TRRAP: variants seen among roughly 807,000 people sequenced by gnomAD.
TRRAP encodes the protein transformation/transcription domain-associated protein.
TRRAP carries 41 observed loss-of-function variants against 438.8 expected under a neutral mutation model. That is an observed-to-expected ratio of 0.09 (90% CI 0.07 to 0.12). The LOEUF (loss-of-function observed/expected upper bound fraction) is 0.12, where lower values mean the gene tolerates loss of function less well. Ranked by LOEUF, TRRAP falls within the 10% of genes least tolerant of loss-of-function variation. TRRAP has a pLI of 1.00. For missense variants in TRRAP, 3,122 were observed against 5,055.1 expected, an observed-to-expected ratio of 0.62 and a Z score of 11.60; for synonymous variants, 1,994 against 1,962.9, an observed-to-expected ratio of 1.02 and a Z score of -0.42.
chr7:99,005,418 G>A lies in TRRAP; in HGVS notation c.10753+70G>A, dbSNP rs1375696022. On this transcript the variant is annotated intron_variant, in intron 69 of 72. Coordinates refer to ENST00000456197, the MANE Select transcript of TRRAP (RefSeq NM_001375524.1). This position sits in a 1 kb window ranked among gnomAD's most constrained non-coding sequence, Gnocchi z 5.1. ...CAGGTGGGGATGAGAGCCACACCTC[G>A]TGGGGTGCACAGGCAGCTCACGTTA... 1.4e-5 allele frequency: 20 copies of A among 1,458,920 alleles called. No homozygotes were observed. Among genetic ancestry groups the A allele is most frequent in the South Asian group, 3.5e-5 (3 of 86,264 alleles). 90.4% of individuals were successfully genotyped at this position (1,458,920 alleles called of 1,614,324 possible). A position where few individuals can be genotyped will look rare whatever the true frequency, so the allele number is the denominator to read the frequency against.
chr7:98,908,926 T>G lies in TRRAP; in HGVS notation c.1314T>G (p.Ser438Arg). 6.2e-7 allele frequency: 1 copy of G among 1,613,454 alleles called. No individual in the cohort carries two copies. The highest frequency in any genetic ancestry group is 8.5e-7 in the Non-Finnish European group (1 of 1,179,838). ...TCCGTTCCAAGAGCGAGCAGGAGAG[T>G]GGCAATGGGAGAGACGTCCTGATGC... ...DCIRSKSEQESGNGRDVLMRM... is the reference protein window; with the variant it reads ...DCIRSKSEQERGNGRDVLMRM... Residue 438 changes from serine (S) to arginine (R), a missense_variant, in exon 14 of 73, where the codon AGT (serine) becomes AGG (arginine). By Grantham distance (110) the Ser-to-Arg change is moderately radical. Around this residue, in one of 24 missense-constraint regions of TRRAP, gnomAD observed 343 missense variants for 564.0 expected, o/e 0.61. Transcript: ENST00000456197. This position sits in a 1 kb window ranked among gnomAD's most constrained non-coding sequence, Gnocchi z 4.1.
intron 18 of TRRAP, among the ~76,000 whole-genome samples, chr7:98,912,968 G>A (rs1363525167): frequency 6.6e-6 from 1 of 152,208 alleles, no homozygotes; most frequent in Non-Finnish European, 1.5e-5. Flanking sequence ...AGTGAGGCAT[G>A]ATTTGATTGA....
At chr7:98,924,340 G>A (rs1227503153) in intron 21 of TRRAP, among the ~76,000 whole-genome samples, 1 of 151,664 alleles carries the variant, frequency 6.6e-6, no homozygotes, top group Non-Finnish European at 1.5e-5. Flanking sequence ...TATTAAAGCT[G>A]TATTAAAGCT....
intron 38 of TRRAP, 62 bp from the exon 39 acceptor site, chr7:98,950,814 G>A (rs963849399): frequency 1.3e-5 from 19 of 1,460,464 alleles, no homozygotes; most frequent in African/African-American, 4.3e-5. Flanking sequence ...TGTTCTTCCC[G>A]TCTTAAGAAA....
chr7:98,924,688 CAAA>C (rs34211183), intron 21 of TRRAP, among the ~76,000 whole-genome samples: 10 of 95,322 alleles, frequency 1.0e-4, no homozygotes, highest in Admixed American at 2.7e-4. Context: ...GACTCCGTCT[CAAA>C]AAAAAAAAAA....
At chr7:98,954,955 A>G (rs941665415) in intron 40 of TRRAP, 143 bp from the exon 41 acceptor site, 1 of 768,126 alleles carries the variant, frequency 1.3e-6, no homozygotes, top group East Asian at 2.7e-5. Flanking sequence ...GAAAGCAACT[A>G]AGTTGTTTCC....
At chr7:98,898,441 A>G (rs942298519) in intron 8 of TRRAP, among the ~76,000 whole-genome samples, 2 of 152,222 alleles carry the variant, frequency 1.3e-5, no homozygotes, top group African/African-American at 2.4e-5. Context: ...AGCACTTACT[A>G]TGACAATTTT....
rs1471559999 is a variant in TRRAP, at chr7:98,927,432, T to C, written c.3175+66T>C. 1.9e-6 allele frequency: 3 copies of C among 1,547,728 alleles called. No homozygotes were observed. In the African/African-American group the frequency reaches 4.1e-5, roughly 21 times the overall value. On this transcript the variant is annotated intron_variant, in intron 23 of 72. Coordinates refer to ENST00000456197, the MANE Select transcript of TRRAP (RefSeq NM_001375524.1). The stretch of plus-strand genomic sequence containing the variant: ...GACTTTTATAGGTGCTTTAAAAACT[T>C]GCTCAGGACATTTTGTTGTTCTAGA...
rs769247212 is a variant in TRRAP, at chr7:98,976,991, T to C, written c.8300T>C (p.Met2767Thr). The change falls in exon 56 of 73, where the codon ATG (methionine) becomes ACG (threonine). Residue 2767 changes from methionine to threonine, a missense_variant. This residue lies in a region of TRRAP where 992 missense variants were observed against 1,281.2 expected (regional missense o/e 0.77). Transcript: ENST00000456197. The surrounding 1 kb of genome is among the most constrained non-coding windows in gnomAD (Gnocchi z 4.6). ...TACTCCCTGTTACAAGAGGAAGATA[T>C]GTGGGCTGGTCTGTGGCAGAAGCGG... ...ELYSLLQEEDMWAGLWQKRCK... is the reference protein window; with the variant it reads ...ELYSLLQEEDTWAGLWQKRCK... The C allele has an allele frequency of 1.4e-5, 23 of 1,614,212 alleles. No individual in the cohort carries two copies. Among genetic ancestry groups the C allele is most frequent in the African/African-American group, 2.7e-5 (2 of 75,064 alleles).
rs1386891234 is a variant in TRRAP at position 99,013,037 on chromosome 7, A to G, written c.*682A>G. Reference sequence around the variant, plus strand: ...GTGCTTTTTATTTCTGGCTCTTCGGATGTCTTCTAGACATTTACTATCACT... The same window carrying G: ...GTGCTTTTTATTTCTGGCTCTTCGGGTGTCTTCTAGACATTTACTATCACT... On this transcript the variant is annotated 3_prime_UTR_variant, in exon 73 of 73. Transcript: ENST00000456197. 6.6e-6 allele frequency: 1 copy of G among 152,240 alleles called. No individual in the cohort carries two copies. The highest frequency in any genetic ancestry group is 2.4e-5 in the African/African-American group (1 of 41,462). The allele number at this position is 152,240 out of a possible 1,614,324, so 9.4% of individuals were successfully genotyped here. A position where few individuals can be genotyped will look rare whatever the true frequency, so the allele number is the denominator to read the frequency against.
intron 11 of TRRAP, among the ~76,000 whole-genome samples, chr7:98,902,859 G>A (rs558795032): frequency 6.7e-6 from 1 of 148,314 alleles, no homozygotes; most frequent in African/African-American, 2.5e-5. Flanking sequence ...GATTGCTTGA[G>A]CCCAGGAGTT....
chr7:98,998,896 C>G, intron 67 of TRRAP: 1 of 443,180 alleles, frequency 2.3e-6, no homozygotes. Flanking sequence ...CATCACCTTA[C>G]ATGGAGAGGC....
chr7:98,930,244 G>T (rs1790261563), intron 24 of TRRAP, 38 bp downstream of exon 24: 2 of 1,608,282 alleles, frequency 1.2e-6, no homozygotes, highest in East Asian at 2.2e-5. Flanking sequence ...GATTTGGAGG[G>T]TGTCTGTACC....
At chr7:98,930,490 A>C (rs1186443785) in intron 24 of TRRAP, 143 bp from the exon 25 acceptor site, 1 of 1,135,378 alleles carries the variant, frequency 8.8e-7, no homozygotes, top group Non-Finnish European at 1.3e-6. Flanking sequence ...AGGCAGGAGA[A>C]TCACTTGAAC....
chr7:98,896,841 A>T (rs552700767), intron 7 of TRRAP, among the ~76,000 whole-genome samples: 16 of 152,300 alleles, frequency 1.1e-4, no homozygotes, highest in African/African-American at 3.6e-4. Flanking sequence ...CTCCTGTCAA[A>T]GCCCGAGCGC....
At chr7:98,964,586 T>C in intron 47 of TRRAP, 43 bp from the exon 48 acceptor site, 1 of 1,596,246 alleles carries the variant, frequency 6.3e-7, no homozygotes, top group Non-Finnish European at 8.5e-7. Context: ...TTTTTCGTGG[T>C]TGTTACTTTT....
chr7:98,939,229 A>G (rs1790686553), intron 30 of TRRAP, among the ~76,000 whole-genome samples: 1 of 152,142 alleles, frequency 6.6e-6, no homozygotes, highest in Non-Finnish European at 1.5e-5. Context: ...TTTTTGGTGT[A>G]CCTTTCCCCC....
Position 99,012,388 on chromosome 7 carries a change from G to A in TRRAP, c.*33G>A. The A allele has an allele frequency of 3.2e-6, 5 of 1,550,042 alleles. No homozygotes were observed. The highest frequency in any genetic ancestry group is 4.4e-6 in the Non-Finnish European group (5 of 1,144,540). ...CGCCACGGCCACCCGGAATGTGAAGGGCGCTCCGGGCTCTGAGCCCGCAGC... is the reference window on the plus strand; with the variant it reads ...CGCCACGGCCACCCGGAATGTGAAGAGCGCTCCGGGCTCTGAGCCCGCAGC... On this transcript the variant is annotated 3_prime_UTR_variant, in exon 73 of 73. Transcript: ENST00000456197. The surrounding 1 kb of genome is among the most constrained non-coding windows in gnomAD (Gnocchi z 5.9).
rs189208212 is a variant in TRRAP at position 98,931,851 on chromosome 7, T to C, written c.3852+186T>C. Among the ~76,000 whole-genome samples the C allele has an allele frequency of 3.7e-3, 558 of 152,338 alleles. 1 individual carries two copies. Among genetic ancestry groups the C allele is most frequent in the African/African-American group, 0.013 (530 of 41,574 alleles). Reference sequence around the variant, plus strand: ...AAATATCTGATGTAAAATGGTGTGATATTTGTATATAACTTATGCACATAT... The same window carrying C: ...AAATATCTGATGTAAAATGGTGTGACATTTGTATATAACTTATGCACATAT... On this transcript the variant is annotated intron_variant, in intron 26 of 72. Coordinates refer to ENST00000456197, the MANE Select transcript of TRRAP (RefSeq NM_001375524.1).
Sources: gnomAD v4.1 joint callset for allele counts (sites outside exome capture counted in the v4.1 genomes callset) on GRCh38, gnomAD v4.1.1 for gene constraint, gnomAD v4.1.1 regional missense constraint, Gnocchi (gnomAD v3.1) non-coding constraint, MANE v1.5 for transcripts, NCBI Gene and HGNC (gene_info 2026-07-23, HGNC 2026-07-21) for gene names.